Variants in ITPR2 observed in about 807,000 individuals in gnomAD.
ITPR2 encodes inositol 1,4,5-trisphosphate-gated calcium channel ITPR2.
ITPR2 carries 207 observed loss-of-function variants against 317.1 expected under a neutral mutation model. The ratio of observed to expected loss-of-function variants is 0.65; its 90% CI spans 0.58 to 0.73. ITPR2 has a LOEUF of 0.73. Ranked by LOEUF, ITPR2 falls within the 30% of genes least tolerant of loss-of-function variation. The pLI is 0.00. For synonymous variants in ITPR2, 1,156 were observed against 1,149.1 expected (o/e 1.01, Z -0.12); for missense variants, 2,613 against 3,284.0 (o/e 0.80, Z 4.99).
chr12:26,467,357 ATCTCTCTCTCTCTCTCTTTCTCTTTC>A (rs1378440089), intron 45 of ITPR2, among the ~76,000 whole-genome samples: 3 of 150,346 alleles, frequency 2.0e-5, no homozygotes, highest in Non-Finnish European at 4.5e-5. Flanking sequence ...CTCTTTCTCT[ATCTCTCTCTCTCTCTCTTTCTCTTTC>A]TCTCTCTCTC....
intron 1 of ITPR2, among the ~76,000 whole-genome samples, chr12:26,791,406 C>T (rs1013131940): frequency 6.6e-6 from 1 of 151,860 alleles, no homozygotes; most frequent in Non-Finnish European, 1.5e-5. Context: ...GAAGTATTAA[C>T]CAGACTCACT....
At chr12:26,374,668 G>A (rs928442033) in intron 55 of ITPR2, among the ~76,000 whole-genome samples, 1 of 152,188 alleles carries the variant, frequency 6.6e-6, no homozygotes, top group Admixed American at 6.5e-5. Context: ...ATGTGATTGT[G>A]TTTAATCCAC....
intron 13 of ITPR2, among the ~76,000 whole-genome samples, chr12:26,666,482 C>CA (rs1368451851): frequency 6.6e-6 from 1 of 152,174 alleles, no homozygotes; most frequent in Non-Finnish European, 1.5e-5. Context: ...AACTGACTAG[C>CA]AAAGCAGCAT....
chr12:26,348,330 T>TGGGGCGTGGTTATG, intron 55 of ITPR2, among the ~76,000 whole-genome samples: 1 of 152,182 alleles, frequency 6.6e-6, no homozygotes, highest in African/African-American at 2.4e-5. Flanking sequence ...CATTTGGTTA[T>TGGGGCGTGGTTATG]GGGGCGTGGT....
intron 55 of ITPR2, among the ~76,000 whole-genome samples, chr12:26,386,529 T>C (rs12322260): frequency 2.6e-3 from 403 of 152,312 alleles, no homozygotes; most frequent in African/African-American, 9.4e-3. Flanking sequence ...AAGCAGATGA[T>C]AAGTTTGCTG....
At chr12:26,398,755 T>A in intron 54 of ITPR2, 121 bp downstream of exon 54, 1 of 813,958 alleles carries the variant, frequency 1.2e-6, no homozygotes, top group Non-Finnish European at 1.9e-6. Flanking sequence ...TAATCTGAAT[T>A]TTATCCAACC....
intron 26 of ITPR2, among the ~76,000 whole-genome samples, chr12:26,603,799 T>C (rs1376749210): frequency 3.3e-5 from 5 of 152,196 alleles, no homozygotes. Flanking sequence ...CCAAAGGTAC[T>C]GCAGCAAGAA....
intron 14 of ITPR2, among the ~76,000 whole-genome samples, chr12:26,664,823 T>A (rs1947586373): frequency 6.6e-6 from 1 of 152,142 alleles, no homozygotes; most frequent in Non-Finnish European, 1.5e-5. Context: ...AAAAGTCCTA[T>A]TAGATTTGCA....
rs117402201 is a variant in ITPR2, at chr12:26,335,443, C to G, written c.*3954G>C. The stretch of plus-strand genomic sequence containing the variant: ...TGTTTTTTAGGCAAATATAACAATC[C>G]TCTACTGCAGGAGAGAAAGTCTTCT... On this transcript the variant is annotated 3_prime_UTR_variant, in exon 57 of 57. Transcript: ENST00000381340. 6.6e-6 allele frequency among the ~76,000 whole-genome samples: 1 copy of G among 152,104 alleles called. No individual in the cohort carries two copies. Among genetic ancestry groups the G allele is most frequent in the Non-Finnish European group, 1.5e-5 (1 of 68,028 alleles).
chr12:26,473,242 T>C (rs947565458), intron 45 of ITPR2, among the ~76,000 whole-genome samples: 3 of 152,132 alleles, frequency 2.0e-5, no homozygotes, highest in South Asian at 4.1e-4. Context: ...CTAACATAAG[T>C]CTTTTCTTTA....
chr12:26,718,478 T>C (rs2137036710), intron 5 of ITPR2, among the ~76,000 whole-genome samples: 1 of 151,342 alleles, frequency 6.6e-6, no homozygotes, highest in Non-Finnish European at 1.5e-5. Flanking sequence ...ATCCGTATAT[T>C]TACTTCAAAA....
chr12:26,672,200 C>G (rs1271259449), intron 13 of ITPR2, among the ~76,000 whole-genome samples: 1 of 151,768 alleles, frequency 6.6e-6, no homozygotes, highest in Non-Finnish European at 1.5e-5. Context: ...CCAAGCAGAC[C>G]TAATAGACAT....
intron 2 of ITPR2, among the ~76,000 whole-genome samples, chr12:26,740,671 G>A (rs1421398307): frequency 6.6e-6 from 1 of 152,048 alleles, no homozygotes; most frequent in Non-Finnish European, 1.5e-5. Context: ...TTGTGGAGGA[G>A]GAAAAAAGAT....
At chr12:26,490,955 T>C (rs1942787083) in intron 39 of ITPR2, among the ~76,000 whole-genome samples, 1 of 152,160 alleles carries the variant, frequency 6.6e-6, no homozygotes, top group South Asian at 2.1e-4. Context: ...TGTATTGAGT[T>C]GAATCCTCAA....
intron 7 of ITPR2, 132 bp downstream of exon 7, chr12:26,715,616 CACTT>C (rs2137031276): frequency 1.3e-6 from 1 of 769,186 alleles, no homozygotes; most frequent in East Asian, 2.6e-5. Context: ...TTCAGTAAAA[CACTT>C]AGAGTAAGTA....
chr12:26,429,688 T>G (rs1376410068), intron 48 of ITPR2, among the ~76,000 whole-genome samples: 4 of 152,354 alleles, frequency 2.6e-5, no homozygotes, highest in African/African-American at 4.8e-5. Flanking sequence ...AAATAAAAAT[T>G]TGTTGATTGA....
chr12:26,761,261 C>T (rs1949627684), intron 2 of ITPR2, among the ~76,000 whole-genome samples: 1 of 152,228 alleles, frequency 6.6e-6, no homozygotes, highest in African/African-American at 2.4e-5. Flanking sequence ...CCAGACAGCC[C>T]ATCAAGAATC....
At chr12:26,730,860 C>T (rs1203732255) in intron 2 of ITPR2, among the ~76,000 whole-genome samples, 4 of 152,286 alleles carry the variant, frequency 2.6e-5, no homozygotes, top group Non-Finnish European at 4.4e-5. Flanking sequence ...ACCCACAGCA[C>T]GTTAACACTG....
At chr12:26,753,132 G>C (rs1949455603) in intron 2 of ITPR2, among the ~76,000 whole-genome samples, 1 of 152,134 alleles carries the variant, frequency 6.6e-6, no homozygotes, top group African/African-American at 2.4e-5. Context: ...TCCTAAGACA[G>C]AGTGGATTAG....
Sources: gnomAD v4.1 joint callset for allele counts (sites outside exome capture counted in the v4.1 genomes callset) on GRCh38, gnomAD v4.1.1 for gene constraint, MANE v1.5 for transcripts, NCBI Gene and HGNC (gene_info 2026-07-23, HGNC 2026-07-21) for gene names.